Variants in ZBTB7C observed in about 807,000 individuals in gnomAD.
ZBTB7C encodes zinc finger and BTB domain containing 7C.
ZBTB7C carries 8 observed loss-of-function variants against 25.7 expected under a neutral mutation model. That is an observed-to-expected ratio of 0.31 (90% CI 0.18 to 0.56). The LOEUF is 0.56. ZBTB7C is among the 20% of genes least tolerant of loss of function. ZBTB7C has a pLI of 0.91. For synonymous variants in ZBTB7C, 394 were observed against 369.0 expected, an observed-to-expected ratio of 1.07 and a Z score of -0.78; for missense variants, 824 against 855.2, an observed-to-expected ratio of 0.96 and a Z score of 0.46.
intron 2 of ZBTB7C, among the ~76,000 whole-genome samples, chr18:48,200,759 C>T (rs1431686134): frequency 1.3e-5 from 2 of 152,242 alleles, no homozygotes; most frequent in African/African-American, 4.8e-5. Flanking sequence ...TCAGACTCCA[C>T]ACAACAGCAT....
At chr18:48,289,123 T>C (rs1348394807) in intron 2 of ZBTB7C, among the ~76,000 whole-genome samples, 1 of 152,144 alleles carries the variant, frequency 6.6e-6, no homozygotes. Context: ...ATTGGCTAAA[T>C]GGGACTGCTC....
chr18:48,333,419 C>G (rs918559411), intron 2 of ZBTB7C, among the ~76,000 whole-genome samples: 2 of 152,184 alleles, frequency 1.3e-5, no homozygotes, highest in African/African-American at 4.8e-5. Flanking sequence ...TTTTAGAGCG[C>G]ATGTACACCT....
intron 2 of ZBTB7C, among the ~76,000 whole-genome samples, chr18:48,191,027 G>A (rs758334949): frequency 6.6e-6 from 1 of 152,176 alleles, no homozygotes; most frequent in African/African-American, 2.4e-5. Flanking sequence ...TTACAACCAA[G>A]GCCACGGAAG....
intron 1 of ZBTB7C, among the ~76,000 whole-genome samples, chr18:48,347,402 C>T (rs1202634728): frequency 4.6e-5 from 7 of 152,186 alleles, no homozygotes; most frequent in Admixed American, 3.9e-4. Context: ...ACCATAATTC[C>T]TCAGTTGAGG....
chr18:48,408,165 C>T (rs1872993508), intron 1 of ZBTB7C, among the ~76,000 whole-genome samples: 1 of 152,214 alleles, frequency 6.6e-6, no homozygotes. Context: ...CTCGGCCTTG[C>T]GCCCGCGCCG....
chr18:48,386,866 C>T (rs1321276013), intron 1 of ZBTB7C, among the ~76,000 whole-genome samples: 1 of 152,240 alleles, frequency 6.6e-6, no homozygotes, highest in Non-Finnish European at 1.5e-5. Context: ...AAGTCTCCCA[C>T]ACCTCTCTGG....
intron 3 of ZBTB7C, among the ~76,000 whole-genome samples, chr18:48,122,311 TTGA>T (rs1300487640): frequency 2.8e-4 from 43 of 152,370 alleles, no homozygotes; most frequent in African/African-American, 1.0e-3. Context: ...TGGTCGACAA[TTGA>T]TATTACCATT....
chr18:48,138,996 G>A (rs964831500), intron 3 of ZBTB7C, among the ~76,000 whole-genome samples: 4 of 152,098 alleles, frequency 2.6e-5, no homozygotes, highest in Admixed American at 6.5e-5. Flanking sequence ...AAGCACAGGC[G>A]GACTGGAGAG....
chr18:48,269,746 A>C lies in ZBTB7C; in HGVS notation c.-79+68428T>G, dbSNP rs142872392. Among the ~76,000 whole-genome samples, 259 of 152,338 alleles carry C rather than the reference A, an allele frequency of 1.7e-3. 4 individuals are homozygous for C. The highest frequency in any genetic ancestry group is 6.0e-3 in the African/African-American group (248 of 41,574). On this transcript the variant is annotated intron_variant, in intron 2 of 4. Transcript: ENST00000590800. ...CAGGAGACTCCTGGGAGCTGAGGGG[A>C]GGAAGCCCACAGCTCAAAGGTAGAA...
At position 48,304,372 on chromosome 18, in the gene ZBTB7C, G is replaced by A. The variant is rs377564010; in HGVS notation, c.-79+33802C>T. Among the ~76,000 whole-genome samples the A allele has an allele frequency of 5.3e-5, 8 of 152,286 alleles. No homozygotes were observed. In the South Asian group the frequency reaches 8.3e-4, roughly 16 times the overall value. Reference sequence around the variant, plus strand: ...TCACACCAATGTGGGGGACACACCTGTTGTTAAAAAAAGATAGCCTTGGCC... The same window carrying A: ...TCACACCAATGTGGGGGACACACCTATTGTTAAAAAAAGATAGCCTTGGCC... On this transcript the variant is annotated intron_variant, in intron 2 of 4. Coordinates refer to ENST00000590800, the MANE Select transcript of ZBTB7C (RefSeq NM_001318841.2).
chr18:48,270,257 T>C (rs944728240), intron 2 of ZBTB7C, among the ~76,000 whole-genome samples: 29 of 139,238 alleles, frequency 2.1e-4, no homozygotes, highest in East Asian at 2.1e-3. Context: ...CTCTTTCTTT[T>C]TTTTTTTTTT....
chr18:48,380,764 T>G (rs1568412738), intron 1 of ZBTB7C, among the ~76,000 whole-genome samples: 1 of 152,086 alleles, frequency 6.6e-6, no homozygotes, highest in East Asian at 1.9e-4. Flanking sequence ...AGAATGAAAT[T>G]TAGTTAATGA....
intron 2 of ZBTB7C, among the ~76,000 whole-genome samples, chr18:48,326,799 G>T (rs1327548058): frequency 1.3e-5 from 2 of 152,308 alleles, no homozygotes; most frequent in Admixed American, 1.3e-4. Flanking sequence ...GACAACAGGG[G>T]CAGGGATGGA....
chr18:48,340,435 C>A (rs1321176160), intron 1 of ZBTB7C, among the ~76,000 whole-genome samples: 1 of 152,214 alleles, frequency 6.6e-6, no homozygotes, highest in Non-Finnish European at 1.5e-5. Flanking sequence ...AGAAAATCTG[C>A]CCCTGGCATC....
intron 3 of ZBTB7C, chr18:48,136,948 T>G: frequency 7.4e-4 from 624 of 841,062 alleles, no homozygotes; most frequent in Non-Finnish European, 8.2e-4. Flanking sequence ...GCCCGGCCGC[T>G]GGGCTCCCCA....
intron 2 of ZBTB7C, among the ~76,000 whole-genome samples, chr18:48,221,116 C>T (rs993763690): frequency 1.3e-5 from 2 of 150,984 alleles, no homozygotes; most frequent in Admixed American, 1.3e-4. Context: ...CTATACTGCC[C>T]TTGTCTCCTC....
intron 1 of ZBTB7C, among the ~76,000 whole-genome samples, chr18:48,384,430 A>G (rs2047701078): frequency 6.6e-6 from 1 of 152,218 alleles, no homozygotes; most frequent in East Asian, 1.9e-4. Context: ...TGTTTTTGAA[A>G]GGGCAGTCTG....
At position 48,068,226 on chromosome 18, in the gene ZBTB7C, C is replaced by T. The variant is rs185847537; in HGVS notation, c.-16-27103G>A. Among the ~76,000 whole-genome samples the T allele has an allele frequency of 1.3e-3, 201 of 150,906 alleles. 3 individuals carry two copies. Among genetic ancestry groups the T allele is most frequent in the East Asian group, 1.0e-3 (5 of 4,952 alleles). The stretch of plus-strand genomic sequence containing the variant: ...CAACCTCGGCTCACTGCAGGCTCCG[C>T]CTCCCGGGTTCACACCATTCTCTTG... On this transcript the variant is annotated intron_variant, in intron 3 of 4. Coordinates refer to ENST00000590800, the MANE Select transcript of ZBTB7C (RefSeq NM_001318841.2).
chr18:48,295,173 T>A (rs1183736175), intron 2 of ZBTB7C, among the ~76,000 whole-genome samples: 1 of 152,168 alleles, frequency 6.6e-6, no homozygotes, highest in East Asian at 1.9e-4. Flanking sequence ...AAGTAACGTC[T>A]TGTTAAACAC....
Sources: allele counts gnomAD v4.1 joint callset (sites outside exome capture counted in the v4.1 genomes callset), GRCh38; gene constraint gnomAD v4.1.1; transcripts MANE v1.5; gene names NCBI Gene and HGNC (gene_info 2026-07-23, HGNC 2026-07-21).